The following CACNA2D1 variants were observed in gnomAD, a reference collection of about 807,000 sequenced individuals.
CACNA2D1 encodes voltage-dependent calcium channel subunit alpha-2/delta-1.
Under a neutral mutation model 171.5 loss-of-function variants are expected in CACNA2D1, and 53 were observed. The ratio of observed to expected loss-of-function variants is 0.31; its 90% CI spans 0.25 to 0.39. The LOEUF (loss-of-function observed/expected upper bound fraction) is 0.39, where lower values mean the gene tolerates loss of function less well. Among genes scored for constraint, CACNA2D1 ranks in the 10% least tolerant of loss-of-function variants. CACNA2D1 has a pLI of 1.00. For synonymous variants in CACNA2D1, 442 were observed against 443.1 expected, an observed-to-expected ratio of 1.00 and a Z score of 0.03; for missense variants, 903 against 1,299.8, an observed-to-expected ratio of 0.69 and a Z score of 4.69.
chr7:82,204,816 AG>A (rs1799843904), intron 3 of CACNA2D1, among the ~76,000 whole-genome samples: 1 of 152,078 alleles, frequency 6.6e-6, no homozygotes, highest in African/African-American at 2.4e-5. Flanking sequence ...GCCTTGGCCT[AG>A]GGGGTGGAGT....
At chr7:82,063,899 C>G (rs565071511) in intron 9 of CACNA2D1, among the ~76,000 whole-genome samples, 1 of 151,526 alleles carries the variant, frequency 6.6e-6, no homozygotes, top group African/African-American at 2.4e-5. Context: ...TGTCTCTTCA[C>G]CCAGGCTGGA....
At chr7:82,022,507 A>G (rs543560143) in intron 12 of CACNA2D1, among the ~76,000 whole-genome samples, 2 of 152,028 alleles carry the variant, frequency 1.3e-5, no homozygotes, top group East Asian at 1.9e-4. Context: ...TCATTATCAT[A>G]TATTTGAACA....
intron 28 of CACNA2D1, among the ~76,000 whole-genome samples, chr7:81,969,310 G>A (rs1316377640): frequency 2.6e-5 from 4 of 151,412 alleles, no homozygotes; most frequent in African/African-American, 9.6e-5. Context: ...GATTGATCCT[G>A]GATGCATAAA....
chr7:82,061,391 G>A (rs1248696717), intron 9 of CACNA2D1, among the ~76,000 whole-genome samples: 1 of 152,078 alleles, frequency 6.6e-6, no homozygotes, highest in Admixed American at 6.6e-5. Context: ...ATACGAAGAT[G>A]CTGAGCTACA....
intron 3 of CACNA2D1, among the ~76,000 whole-genome samples, chr7:82,322,887 A>C (rs922130042): frequency 6.6e-6 from 1 of 152,228 alleles, no homozygotes; most frequent in Non-Finnish European, 1.5e-5. Flanking sequence ...ATTCAGTAAA[A>C]GTTAGCAAAT....
Position 82,060,168 on chromosome 7 carries a change from ATATATATATAATAT to A in CACNA2D1, c.879+246_879+259del. On this transcript the variant is annotated intron_variant, in intron 10 of 38. Coordinates refer to ENST00000356860, the MANE Select transcript of CACNA2D1 (RefSeq NM_000722.4). ...TATATATGTATTATATATATATAATATATATATATAATATATATATATTATATATATATTATATA... is the reference window on the plus strand; with the variant it reads ...TATATATGTATTATATATATATAATAATATATATTATATATATATTATATA... Among the ~76,000 whole-genome samples the A allele has an allele frequency of 1.3e-3, 13 of 10,328 alleles. 5 individuals carry two copies. In the East Asian group the frequency reaches 0.029, roughly 23 times the overall value. The allele number at this position is 10,328 out of a possible 152,430, so 6.8% of individuals were successfully genotyped here.
intron 5 of CACNA2D1, among the ~76,000 whole-genome samples, chr7:82,121,860 T>C (rs1469478615): frequency 6.6e-6 from 1 of 152,142 alleles, no homozygotes; most frequent in Admixed American, 6.5e-5. Flanking sequence ...ATAAAAATAT[T>C]GTAACTCCTT....
chr7:82,421,893 A>G (rs75786188), intron 1 of CACNA2D1, among the ~76,000 whole-genome samples: 3,172 of 152,280 alleles, frequency 0.021, 116 homozygotes, highest in East Asian at 0.12. Context: ...CTGGTCTCCA[A>G]AAATTTCCCA....
intron 5 of CACNA2D1, among the ~76,000 whole-genome samples, chr7:82,126,511 C>A (rs896411128): frequency 6.6e-6 from 1 of 152,006 alleles, no homozygotes; most frequent in Non-Finnish European, 1.5e-5. Flanking sequence ...TAAAACTCAA[C>A]TTTTTTTTAT....
chr7:82,068,570 G>A (rs889087411), intron 7 of CACNA2D1, among the ~76,000 whole-genome samples: 3 of 151,928 alleles, frequency 2.0e-5, no homozygotes, highest in East Asian at 1.9e-4. Flanking sequence ...AATCCCTACT[G>A]TAGATAATTT....
At chr7:82,203,568 C>T (rs1799702123) in intron 3 of CACNA2D1, among the ~76,000 whole-genome samples, 1 of 152,122 alleles carries the variant, frequency 6.6e-6, no homozygotes, top group Admixed American at 6.5e-5. Flanking sequence ...GACCACCTTC[C>T]AGGCAGCCAA....
At chr7:82,225,448 A>G (rs1202798224) in intron 3 of CACNA2D1, among the ~76,000 whole-genome samples, 3 of 152,310 alleles carry the variant, frequency 2.0e-5, no homozygotes, top group Non-Finnish European at 4.4e-5. Context: ...GAATTCCAAC[A>G]ATCTCTAGAA....
chr7:82,043,893 T>A (rs1804241826), intron 10 of CACNA2D1, among the ~76,000 whole-genome samples: 1 of 152,196 alleles, frequency 6.6e-6, no homozygotes, highest in Non-Finnish European at 1.5e-5. Flanking sequence ...TACCAAGTCT[T>A]CCTTTGAATG....
At chr7:82,173,352 C>T (rs1290555431) in intron 3 of CACNA2D1, among the ~76,000 whole-genome samples, 1 of 152,010 alleles carries the variant, frequency 6.6e-6, no homozygotes, top group Non-Finnish European at 1.5e-5. Flanking sequence ...AAAATAAAGG[C>T]ATGAAGTTAT....
intron 8 of CACNA2D1, among the ~76,000 whole-genome samples, chr7:82,065,903 C>T (rs373161286): frequency 1.3e-5 from 2 of 151,806 alleles, no homozygotes; most frequent in East Asian, 1.9e-4. Flanking sequence ...TTTAAAAAAC[C>T]CAAAAATAGT....
chr7:82,309,912 G>A (rs1161283599), intron 3 of CACNA2D1, among the ~76,000 whole-genome samples: 2 of 152,112 alleles, frequency 1.3e-5, no homozygotes, highest in African/African-American at 4.8e-5. Context: ...TGTCATAGTT[G>A]CAAAATACTT....
At chr7:82,188,642 C>G (rs1797997620) in intron 3 of CACNA2D1, among the ~76,000 whole-genome samples, 1 of 152,032 alleles carries the variant, frequency 6.6e-6, no homozygotes, top group Admixed American at 6.6e-5. Context: ...AAAGAACTAC[C>G]ATTACACCCA....
Position 82,409,681 on chromosome 7 carries a change from T to C in CACNA2D1, c.95+33684A>G, listed in dbSNP as rs577487053. Reference sequence around the variant, plus strand: ...GCCACTGTACCTCTCGTAATTCCAATGTACAATGTGATTGCTGAGAGTTCC... The same window carrying C: ...GCCACTGTACCTCTCGTAATTCCAACGTACAATGTGATTGCTGAGAGTTCC... On this transcript the variant is annotated intron_variant, in intron 1 of 38. Transcript: ENST00000356860. Among the ~76,000 whole-genome samples the C allele has an allele frequency of 9.8e-5, 15 of 152,334 alleles. No homozygotes were observed. The South Asian group carries it at 3.1e-3, about 32-fold the overall frequency.
chr7:82,408,166 A>C (rs943842084), intron 1 of CACNA2D1, among the ~76,000 whole-genome samples: 7 of 151,740 alleles, frequency 4.6e-5, no homozygotes, highest in African/African-American at 1.7e-4. Context: ...GATTACAGGC[A>C]CCCACCACCA....
Sources: allele counts gnomAD v4.1 joint callset (sites outside exome capture counted in the v4.1 genomes callset), GRCh38; gene constraint gnomAD v4.1.1; transcripts MANE v1.5; gene names NCBI Gene and HGNC (gene_info 2026-07-23, HGNC 2026-07-21).